COLEC12: variants seen among roughly 807,000 people sequenced by gnomAD.
The protein encoded by COLEC12 is collectin subfamily member 12, also known as collectin-12.
COLEC12 carries 33 observed loss-of-function variants against 71.1 expected under a neutral mutation model. The ratio of observed to expected loss-of-function variants is 0.46; its 90% CI spans 0.35 to 0.62. The LOEUF (loss-of-function observed/expected upper bound fraction) is 0.62, where lower values mean the gene tolerates loss of function less well. Ranked by LOEUF, COLEC12 falls within the 20% of genes least tolerant of loss-of-function variation. The pLI is 0.00. For missense variants in COLEC12, 765 were observed against 916.1 expected, an observed-to-expected ratio of 0.84 and a Z score of 2.13; for synonymous variants, 350 against 353.0, an observed-to-expected ratio of 0.99 and a Z score of 0.10.
intron 2 of COLEC12, among the ~76,000 whole-genome samples, chr18:392,146 T>A (rs1005406468): frequency 6.6e-5 from 10 of 152,314 alleles, no homozygotes; most frequent in African/African-American, 2.4e-4. Context: ...GCCAATCAAA[T>A]GGATGCTTTT....
At position 332,279 on chromosome 18, in the gene COLEC12, G is replaced by A. The variant is rs182430903; in HGVS notation, c.1954-502C>T. 5.6e-3 allele frequency among the ~76,000 whole-genome samples: 847 copies of A among 152,314 alleles called. 13 individuals carry two copies. The highest frequency in any genetic ancestry group is 0.022 in the South Asian group (104 of 4,830). On this transcript the variant is annotated intron_variant, in intron 7 of 9. Transcript: ENST00000400256. ...CCCAGGTGCTTGGTCACTGTCTGCCGTGTGCTCATTCCAGTCAGTTACTAC... is the reference window on the plus strand; with the variant it reads ...CCCAGGTGCTTGGTCACTGTCTGCCATGTGCTCATTCCAGTCAGTTACTAC...
intron 3 of COLEC12, among the ~76,000 whole-genome samples, chr18:352,782 C>T (rs1358902593): frequency 6.6e-6 from 1 of 152,166 alleles, no homozygotes; most frequent in African/African-American, 2.4e-5. Flanking sequence ...TTTATTAGCA[C>T]CAATTCTCAA....
At chr18:487,637 T>C (rs967924126) in intron 1 of COLEC12, among the ~76,000 whole-genome samples, 2 of 152,238 alleles carry the variant, frequency 1.3e-5, no homozygotes, top group African/African-American at 4.8e-5. Context: ...TGTAATGAAA[T>C]CAGGGGAAAG....
chr18:457,977 A>G (rs1916905687), intron 2 of COLEC12, among the ~76,000 whole-genome samples: 1 of 152,224 alleles, frequency 6.6e-6, no homozygotes. Flanking sequence ...AAACATGTCT[A>G]TGACTGCACA....
rs199728170 is a variant in COLEC12, at chr18:403,181, T to C, written c.59-45659A>G. Among the ~76,000 whole-genome samples the C allele has an allele frequency of 1.6e-4, 25 of 152,294 alleles. No individual in the cohort carries two copies. In the East Asian group the frequency reaches 4.0e-3, roughly 25 times the overall value. On this transcript the variant is annotated intron_variant, in intron 2 of 9. Coordinates refer to ENST00000400256, the MANE Select transcript of COLEC12 (RefSeq NM_130386.3). ...TCAGTGAGACAGAACTGGCAACATA[T>C]TTCAGGACCTACATGATTTTCTCCA... is the stretch of plus-strand genomic sequence containing the variant.
chr18:472,701 A>AAAAG (rs1555622344), intron 2 of COLEC12, among the ~76,000 whole-genome samples: 51 of 144,232 alleles, frequency 3.5e-4, no homozygotes, highest in East Asian at 3.0e-3. Context: ...AAAAAAAAAA[A>AAAAG]AAGAAGAAGA....
rs1368455524 is a variant in COLEC12 at position 318,137 on chromosome 18, C to T, written c.*1908G>A. Reference sequence around the variant, plus strand: ...GACTACAGGCGCCCGCCACCGCGCCCGGCTAATTTTTTTTTTGTATTTTTA... The same window carrying T: ...GACTACAGGCGCCCGCCACCGCGCCTGGCTAATTTTTTTTTTGTATTTTTA... On this transcript the variant is annotated 3_prime_UTR_variant, in exon 10 of 10. Coordinates refer to ENST00000400256, the MANE Select transcript of COLEC12 (RefSeq NM_130386.3). The T allele has an allele frequency of 7.6e-5, 11 of 145,664 alleles. No homozygotes were observed. The highest frequency in any genetic ancestry group is 4.5e-4 in the South Asian group (2 of 4,422). The allele number at this position is 145,664 out of a possible 1,614,324, so 9.0% of individuals were successfully genotyped here.
chr18:437,686 T>C (rs963818518), intron 2 of COLEC12, among the ~76,000 whole-genome samples: 2 of 152,220 alleles, frequency 1.3e-5, no homozygotes, highest in African/African-American at 2.4e-5. Flanking sequence ...TCAACCCGGA[T>C]GGTGATACTT....
intron 8 of COLEC12, among the ~76,000 whole-genome samples, chr18:330,371 C>T (rs1021954959): frequency 2.6e-5 from 4 of 152,174 alleles, no homozygotes; most frequent in Non-Finnish European, 4.4e-5. Context: ...GAGGCCACAC[C>T]GTGGACTTTG....
intron 8 of COLEC12, among the ~76,000 whole-genome samples, chr18:324,705 C>T (rs991926349): frequency 1.4e-4 from 21 of 151,914 alleles, no homozygotes; most frequent in Admixed American, 7.2e-4. Flanking sequence ...GGCAGGTGCC[C>T]GGAGTCCCAG....
chr18:384,614 G>A (rs926632284), intron 2 of COLEC12, among the ~76,000 whole-genome samples: 3 of 152,222 alleles, frequency 2.0e-5, no homozygotes, highest in Admixed American at 1.3e-4. Flanking sequence ...ACCTACTGCT[G>A]AATGCTGTGC....
intron 2 of COLEC12, among the ~76,000 whole-genome samples, chr18:440,994 A>G (rs866255739): frequency 1.6e-4 from 24 of 152,024 alleles, no homozygotes; most frequent in South Asian, 1.2e-3. Context: ...CACGCCTGTA[A>G]TCCCAGCACT....
At chr18:364,902 A>T (rs1439967184) in intron 2 of COLEC12, among the ~76,000 whole-genome samples, 1 of 152,196 alleles carries the variant, frequency 6.6e-6, no homozygotes, top group Non-Finnish European at 1.5e-5. Context: ...GAGGTCAAAG[A>T]GGGTGAGTAC....
At chr18:359,280 C>T (rs144411719) in intron 2 of COLEC12, among the ~76,000 whole-genome samples, 63 of 152,262 alleles carry the variant, frequency 4.1e-4, no homozygotes, top group Non-Finnish European at 7.4e-4. Flanking sequence ...GCAAACACCG[C>T]GAATTAGGAT....
In COLEC12 at chr18:500,663, C is replaced by A; in HGVS notation, c.-149G>T. The A allele has an allele frequency of 2.1e-6, 1 of 465,316 alleles. No individual in the cohort carries two copies. 28.8% of individuals were successfully genotyped at this position (465,316 alleles called of 1,614,324 possible). A position where few individuals can be genotyped will look rare whatever the true frequency, so the allele number is the denominator to read the frequency against. On this transcript the variant is annotated 5_prime_UTR_variant, in exon 1 of 10. Coordinates refer to ENST00000400256, the MANE Select transcript of COLEC12 (RefSeq NM_130386.3). The surrounding 1 kb of genome is among the most constrained non-coding windows in gnomAD (Gnocchi z 5.3). ...CGCCCCCGTCCTCCCTCGCCGCCGC[C>A]GGCCCGCGCTCCCCGCGCTCCCGGC...
intron 5 of COLEC12, among the ~76,000 whole-genome samples, chr18:338,504 A>G (rs1362789593): frequency 6.6e-6 from 1 of 152,140 alleles, no homozygotes; most frequent in African/African-American, 2.4e-5. Context: ...AAGGAGATCC[A>G]TCTTTCCTTG....
chr18:372,283 TA>T (rs969481289), intron 2 of COLEC12, among the ~76,000 whole-genome samples: 4 of 152,190 alleles, frequency 2.6e-5, no homozygotes, highest in African/African-American at 9.7e-5. Context: ...TCATTTCTAT[TA>T]AATCAAGCAC....
intron 2 of COLEC12, among the ~76,000 whole-genome samples, chr18:403,968 T>G (rs7240997): frequency 0.13 from 19,713 of 152,234 alleles, 1,474 homozygotes; most frequent in African/African-American, 0.21. Flanking sequence ...TCTTCCTTTT[T>G]CCCCAAATGT....
rs895340459 is a variant in COLEC12 at position 460,629 on chromosome 18, C to T, written c.58+20078G>A. ...CCTTCAATATAGCTTTCCTGACAACCTCAACATTGACCTGCAACAAAAAGG... is the reference window on the plus strand; with the variant it reads ...CCTTCAATATAGCTTTCCTGACAACTTCAACATTGACCTGCAACAAAAAGG... On this transcript the variant is annotated intron_variant, in intron 2 of 9. Coordinates refer to ENST00000400256, the MANE Select transcript of COLEC12 (RefSeq NM_130386.3). Among the ~76,000 whole-genome samples the T allele has an allele frequency of 2.0e-5, 3 of 152,168 alleles. No individual in the cohort carries two copies. The South Asian group carries it at 6.2e-4, about 32-fold the overall frequency.
Sources: allele counts gnomAD v4.1 joint callset (sites outside exome capture counted in the v4.1 genomes callset), GRCh38; gene constraint gnomAD v4.1.1; non-coding constraint Gnocchi (gnomAD v3.1); transcripts MANE v1.5; gene names NCBI Gene and HGNC (gene_info 2026-07-23, HGNC 2026-07-21).